Variants in KPTN observed in about 807,000 individuals in gnomAD.
The protein encoded by KPTN is kaptin, actin binding protein, also known as KICSTOR complex protein kaptin.
In KPTN, 36 loss-of-function variants were observed where a neutral mutation model predicts 52.6. That is an observed-to-expected ratio of 0.68 (90% CI 0.52 to 0.90). The LOEUF is 0.90. Ranked by LOEUF, KPTN falls within the 40% of genes least tolerant of loss-of-function variation. The pLI, the probability that KPTN is intolerant of heterozygous loss-of-function variation, is 0.00. For missense variants in KPTN, 529 were observed against 576.2 expected (o/e 0.92, Z 0.84); for synonymous variants, 271 against 248.4 (o/e 1.09, Z -0.85).
chr19:47,477,869 G>C (rs1967727946), intron 8 of KPTN, 88 bp from the exon 9 acceptor site: 2 of 850,088 alleles, frequency 2.4e-6, no homozygotes, highest in Admixed American at 1.9e-5. Context: ...AGACCAGCCT[G>C]GTCAACATGA....
At chr19:47,479,242 C>T (rs181576217) in intron 8 of KPTN, among the ~76,000 whole-genome samples, 243 of 152,316 alleles carry the variant, frequency 1.6e-3, no homozygotes, top group Non-Finnish European at 3.1e-3. Flanking sequence ...AGGGTTTCAC[C>T]GTGTTGGTCA....
chr19:47,477,964 G>T (rs1967732446), intron 8 of KPTN, among the ~76,000 whole-genome samples, 183 bp from the exon 9 acceptor site: 1 of 152,044 alleles, frequency 6.6e-6, no homozygotes, highest in African/African-American at 2.4e-5. Flanking sequence ...GGAGGCTGAG[G>T]CAGGAGACTT....
At position 47,483,970 on chromosome 19, in the gene KPTN, G is replaced by A; in HGVS notation, c.191C>T (p.Pro64Leu). 6.2e-7 allele frequency: 1 copy of A among 1,613,404 alleles called. No homozygotes were observed. The highest frequency in any genetic ancestry group is 8.5e-7 in the Non-Finnish European group (1 of 1,179,954). The change falls in exon 1 of 12, where the codon CCA becomes CTA. Residue 64 changes from proline (P) to leucine (L), a missense_variant. By Grantham distance (98) the Pro-to-Leu change is moderately conservative. Transcript: ENST00000338134. ...RYQDLRQKIR[P>L]VAKELQFNYI... ...GTTGAACTGCAGCTCCTTGGCCACT[G>A]GCCGGATTTTCTGTCGGAGGTCTTG...
chr19:47,480,490 C>T (rs1967840025), intron 6 of KPTN, 83 bp from the exon 7 acceptor site: 5 of 1,009,280 alleles, frequency 5.0e-6, no homozygotes, highest in Non-Finnish European at 7.3e-6. Context: ...GCAGCCGCCC[C>T]TCCCTGTAGC....
chr19:47,483,429 C>T (rs371147173), intron 2 of KPTN, 50 bp from the exon 3 acceptor site: 2 of 1,600,602 alleles, frequency 1.2e-6, no homozygotes, highest in Admixed American at 1.7e-5. Context: ...CAGGAGGGAT[C>T]CGGGGCGGCT....
chr19:47,485,515 C>G (rs868775877), upstream of KPTN, among the ~76,000 whole-genome samples: 1 of 152,322 alleles, frequency 6.6e-6, no homozygotes, highest in Admixed American at 6.5e-5. Context: ...GGCCAGCTGT[C>G]CTGGACACCT....
rs781513989 is a variant in KPTN, at chr19:47,479,974, C to T, written c.710-34G>A. ...AGAGCGAGGATTCAGAGCCCCAACC[C>T]CACCCCGGTCCCGCCCGCAGCCCTG... On this transcript the variant is annotated intron_variant, in intron 7 of 11. Coordinates refer to ENST00000338134, the MANE Select transcript of KPTN (RefSeq NM_007059.4). 4 of 1,558,024 alleles carry T rather than the reference C, an allele frequency of 2.6e-6. No individual in the cohort carries two copies. In the South Asian group the frequency reaches 4.6e-5, roughly 18 times the overall value.
upstream of KPTN, chr19:47,484,278 C>T (rs1968003797): frequency 7.8e-7 from 1 of 1,289,606 alleles, no homozygotes; most frequent in Non-Finnish European, 1.0e-6. Flanking sequence ...TGATGACGTA[C>T]GGAAGCTGCC....
At chr19:47,480,262 A>G (rs749799359) in intron 7 of KPTN, 36 bp downstream of exon 7, 2 of 1,381,648 alleles carry the variant, frequency 1.4e-6, no homozygotes, top group Non-Finnish European at 2.0e-6. Context: ...CTAGCCCTCA[A>G]CCCCACCCCT....
chr19:47,483,202 G>A lies in KPTN; in HGVS notation c.408C>T (p.Asn136=), dbSNP rs746950349. The A allele has an allele frequency of 1.9e-6, 3 of 1,614,058 alleles. No homozygotes were observed. The highest frequency in any genetic ancestry group is 2.5e-6 in the Non-Finnish European group (3 of 1,180,018). The part of the protein sequence containing the change: ...NLDSIAQSCL[N]LELQFTPFQL... ...GGAACGGAGTGAACTGGAGCTCCAGGTTCAGGCAGCTCTCTGTAGGCAGGG... is the reference window on the plus strand; with the variant it reads ...GGAACGGAGTGAACTGGAGCTCCAGATTCAGGCAGCTCTCTGTAGGCAGGG... The change falls in exon 4 of 12, where the codon AAC becomes AAT. Residue 136 remains asparagine, a synonymous_variant. Coordinates refer to ENST00000338134, the MANE Select transcript of KPTN (RefSeq NM_007059.4).
intron 11 of KPTN, chr19:47,476,012 A>C (rs1206305553): frequency 6.6e-6 from 1 of 152,542 alleles, no homozygotes; most frequent in Non-Finnish European, 1.4e-5. Context: ...AAAACCAAAA[A>C]AAAAAAAAAA....
chr19:47,484,571 G>A, upstream of KPTN: 1 of 196,170 alleles, frequency 5.1e-6, no homozygotes, highest in South Asian at 1.2e-4. Context: ...GCAAGGGGGT[G>A]GAGGTAGGTA....
chr19:47,479,894 T>C lies in KPTN; in HGVS notation c.756A>G (p.Arg252=). The C allele has an allele frequency of 1.2e-6, 2 of 1,607,872 alleles. No individual in the cohort carries two copies. The highest frequency in any genetic ancestry group is 3.3e-4 in the Middle Eastern group (2 of 6,028). ...WSVLQDGPIS[R]VIVFSLSAAK... is the part of the protein sequence containing the mutation. ...CGGCCGAGAGGCTGAACACAATCAC[T>C]CGGGAGATGGGACCGTCCTGCAGGA... is the stretch of plus-strand genomic sequence containing the variant. The change falls in exon 8 of 12, where the codon CGA becomes CGG. Residue 252 remains arginine (R), a synonymous_variant. Transcript: ENST00000338134.
rs1227302580 is a variant in KPTN, at chr19:47,484,149, C to T, written c.12G>A (p.Glu4=). 5 of 1,596,860 alleles carry T rather than the reference C, an allele frequency of 3.1e-6. No individual in the cohort carries two copies. Among genetic ancestry groups the T allele is most frequent in the Non-Finnish European group, 4.2e-6 (5 of 1,178,348 alleles). Residue 4 remains glutamate, a synonymous_variant, in exon 1 of 12, where the codon GAG becomes GAA. Coordinates refer to ENST00000338134, the MANE Select transcript of KPTN (RefSeq NM_007059.4). ...GACAAGGCCCCGCGGCCACGGCCGCCTCCCCCATCATGCCCCTCAGTTAAG... is the reference window on the plus strand; with the variant it reads ...GACAAGGCCCCGCGGCCACGGCCGCTTCCCCCATCATGCCCCTCAGTTAAG... MMG[E]AAVAAGPCPL...
Position 47,483,276 on chromosome 19 carries a change from C to G in KPTN, c.394+19G>C. 1.2e-6 allele frequency: 2 copies of G among 1,613,616 alleles called. No homozygotes were observed. The highest frequency in any genetic ancestry group is 8.5e-7 in the Non-Finnish European group (1 of 1,179,600). On this transcript the variant is annotated intron_variant, in intron 3 of 11. Coordinates refer to ENST00000338134, the MANE Select transcript of KPTN (RefSeq NM_007059.4). ...CCTGCTGGGGACTCTCTCCCTCCTC[C>G]CGTCCACGCCTCACTCACGGGCAAT...
chr19:47,482,161 C>A lies in KPTN; in HGVS notation c.449+1000G>T, dbSNP rs10415964. Among the ~76,000 whole-genome samples the A allele has an allele frequency of 7.7e-3, 1,167 of 152,296 alleles. 11 individuals carry two copies. Among genetic ancestry groups the A allele is most frequent in the African/African-American group, 0.026 (1,095 of 41,542 alleles). On this transcript the variant is annotated intron_variant, in intron 4 of 11. Coordinates refer to ENST00000338134, the MANE Select transcript of KPTN (RefSeq NM_007059.4). Reference sequence around the variant, plus strand: ...TAGTTCAGGAATGGCAGTGTGGTGGCCCCTTGGCCATCCGGTCCATGGCCA... The same window carrying A: ...TAGTTCAGGAATGGCAGTGTGGTGGACCCTTGGCCATCCGGTCCATGGCCA...
At position 47,476,912 on chromosome 19, in the gene KPTN, T is replaced by G. The variant is rs1599869083; in HGVS notation, c.890A>C (p.Asp297Ala). The G allele has an allele frequency of 8.3e-6, 13 of 1,558,956 alleles. No individual in the cohort carries two copies. Among genetic ancestry groups the G allele is most frequent in the Non-Finnish European group, 9.6e-6 (11 of 1,150,890 alleles). ...GTCACTGCCGGGCAGGAGAAGCTGG[T>G]CTTCAAGACCCCGGTTCAGCAGGTC... ...YRDLLNRGLEDQLLLPGSDQF... is the reference protein window; with the variant it reads ...YRDLLNRGLEAQLLLPGSDQF... Residue 297 changes from aspartate to alanine, a missense_variant, in exon 10 of 12, where the codon GAC (aspartate) becomes GCC (alanine). Asp to Ala is a moderately radical substitution (Grantham distance 126). Transcript: ENST00000338134.
In KPTN at chr19:47,476,924, C is replaced by T. The variant is rs1193041866; in HGVS notation, c.878G>A (p.Arg293Gln). The T allele has an allele frequency of 2.1e-5, 33 of 1,557,114 alleles. No homozygotes were observed. Among genetic ancestry groups the T allele is most frequent in the East Asian group, 1.9e-4 (8 of 41,500 alleles). Residue 293 changes from arginine (R) to glutamine (Q), a missense_variant, in exon 10 of 12, where the codon CGG (arginine) becomes CAG (glutamine). Arg to Gln is a conservative substitution (Grantham distance 43, BLOSUM62 1). Transcript: ENST00000338134. ...PAVVYRDLLNRGLEDQLLLPG... is the reference protein window; with the variant it reads ...PAVVYRDLLNQGLEDQLLLPG... Reference sequence around the variant, plus strand: ...CAGGAGAAGCTGGTCTTCAAGACCCCGGTTCAGCAGGTCCCTGAGGGTCCC... The same window carrying T: ...CAGGAGAAGCTGGTCTTCAAGACCCTGGTTCAGCAGGTCCCTGAGGGTCCC...
At chr19:47,476,273 C>T (rs768575258) in intron 11 of KPTN, 111 of 258,720 alleles carry the variant, frequency 4.3e-4, no homozygotes, top group Non-Finnish European at 7.1e-4. Context: ...CGAGTCACTG[C>T]GCTAGAGCCT....
Sources: gnomAD v4.1 joint callset for allele counts (sites outside exome capture counted in the v4.1 genomes callset) on GRCh38, gnomAD v4.1.1 for gene constraint, MANE v1.5 for transcripts, NCBI Gene and HGNC (gene_info 2026-07-23, HGNC 2026-07-21) for gene names.